Variants in STK39 observed in about 807,000 individuals in gnomAD.
STK39 encodes the protein serine/threonine kinase 39.
A neutral mutation model predicts 77.8 loss-of-function variants in STK39; 20 were observed. The ratio of observed to expected loss-of-function variants is 0.26; its 90% CI spans 0.18 to 0.37. STK39 has a LOEUF of 0.37. Among genes scored for constraint, STK39 ranks in the 10% least tolerant of loss-of-function variants. The pLI is 1.00. For missense variants in STK39, 479 were observed against 656.5 expected (o/e 0.73, Z 2.95); for synonymous variants, 246 against 234.1 (o/e 1.05, Z -0.47).
At chr2:168,116,907 G>A (rs10497335) in intron 10 of STK39, among the ~76,000 whole-genome samples, 35,107 of 152,028 alleles carry the variant, frequency 0.23, 4,220 homozygotes, top group African/African-American at 0.29. Flanking sequence ...AAAGTGGAGC[G>A]TACTAAAACC....
In STK39 at chr2:168,078,741, C is replaced by CAA. The variant is rs56865790; in HGVS notation, c.1090-3512_1090-3511dup. Among the ~76,000 whole-genome samples, 414 of 86,394 alleles carry CAA rather than the reference C, an allele frequency of 4.8e-3. 3 individuals are homozygous for CAA. The highest frequency in any genetic ancestry group is 0.019 in the Middle Eastern group (3 of 156). The allele number at this position is 86,394 out of a possible 152,430, so 56.7% of individuals were successfully genotyped here. A position where few individuals can be genotyped will look rare whatever the true frequency, so the allele number is the denominator to read the frequency against. ...TCTCAATCTGGCATGTCCATCTGTCCAAAAAAAAAAAAAAAAAAGGAAAGC... is the reference window on the plus strand; with the variant it reads ...TCTCAATCTGGCATGTCCATCTGTCCAAAAAAAAAAAAAAAAAAAAGGAAAGC... On this transcript the variant is annotated intron_variant, in intron 10 of 17. Transcript: ENST00000355999.
chr2:168,139,159 C>A lies in STK39; in HGVS notation c.841-938G>T, dbSNP rs560778479. On this transcript the variant is annotated intron_variant, in intron 7 of 17. Coordinates refer to ENST00000355999, the MANE Select transcript of STK39 (RefSeq NM_013233.3). The stretch of plus-strand genomic sequence containing the variant: ...AACTCTGAAGAAAAGTCCTAGAGGA[C>A]GTCAGGCTGGGACAAGCAAGTGCGA... 2.0e-5 allele frequency among the ~76,000 whole-genome samples: 3 copies of A among 152,138 alleles called. No homozygotes were observed. In the East Asian group the frequency reaches 5.8e-4, roughly 29 times the overall value.
At chr2:168,223,534 A>G (rs1420459640) in intron 1 of STK39, among the ~76,000 whole-genome samples, 1 of 151,464 alleles carries the variant, frequency 6.6e-6, no homozygotes, top group Non-Finnish European at 1.5e-5. Flanking sequence ...AAAAAAGAAA[A>G]GAAAATTCAC....
intron 16 of STK39, among the ~76,000 whole-genome samples, chr2:168,007,956 T>A (rs1684173370): frequency 6.6e-6 from 1 of 152,182 alleles, no homozygotes; most frequent in African/African-American, 2.4e-5. Flanking sequence ...TTTAGTAAAG[T>A]CACAAGGTTG....
intron 2 of STK39, among the ~76,000 whole-genome samples, chr2:168,180,543 G>A (rs967907316): frequency 2.6e-5 from 4 of 152,010 alleles, no homozygotes; most frequent in South Asian, 2.1e-4. Flanking sequence ...TTTAAATCGC[G>A]CAGAGCTGTT....
At chr2:168,106,615 T>C (rs1686981142) in intron 10 of STK39, among the ~76,000 whole-genome samples, 2 of 152,024 alleles carry the variant, frequency 1.3e-5, no homozygotes, top group African/African-American at 4.8e-5. Context: ...AGCTCAGTAG[T>C]TGGAGAACAG....
At chr2:168,004,986 C>CA (rs753114420) in intron 16 of STK39, among the ~76,000 whole-genome samples, 17 of 139,172 alleles carry the variant, frequency 1.2e-4, no homozygotes, top group Non-Finnish European at 2.2e-4. Flanking sequence ...CACTAGGGGA[C>CA]AGAAGGCCCT....
intron 10 of STK39, among the ~76,000 whole-genome samples, chr2:168,080,204 G>A (rs1236050802): frequency 6.6e-6 from 1 of 152,198 alleles, no homozygotes; most frequent in Non-Finnish European, 1.5e-5. Flanking sequence ...AGATGATTTA[G>A]GGTATTTGGT....
chr2:167,967,758 A>G (rs1692198902), intron 16 of STK39, among the ~76,000 whole-genome samples: 3 of 152,166 alleles, frequency 2.0e-5, no homozygotes, highest in African/African-American at 4.8e-5. Context: ...TTCTGTATAC[A>G]TTCCTTGCAC....
intron 10 of STK39, among the ~76,000 whole-genome samples, chr2:168,076,478 A>G (rs1333687830): frequency 6.6e-6 from 1 of 152,150 alleles, no homozygotes; most frequent in Non-Finnish European, 1.5e-5. Flanking sequence ...TTAAATTTAA[A>G]TATTTAAGTT....
chr2:168,045,077 CA>C (rs888813047), intron 14 of STK39, among the ~76,000 whole-genome samples: 2 of 150,900 alleles, frequency 1.3e-5, no homozygotes, highest in African/African-American at 2.4e-5. Context: ...ACAAAAAAAC[CA>C]AAAAAAACCC....
chr2:168,245,403 T>A (rs553206250), intron 1 of STK39, among the ~76,000 whole-genome samples: 30 of 152,334 alleles, frequency 2.0e-4, no homozygotes, highest in African/African-American at 7.2e-4. Flanking sequence ...AGTGGGGCAA[T>A]GCTTGGGACA....
intron 14 of STK39, among the ~76,000 whole-genome samples, chr2:168,030,387 CAGACAATACATTCTTTAAACTTT>C (rs1212483422): frequency 6.6e-6 from 1 of 152,112 alleles, no homozygotes; most frequent in East Asian, 1.9e-4. Flanking sequence ...ATAAAGTGAG[CAGACAATACATTCTTTAAACTTT>C]AGCCAAGAAA....
chr2:168,195,629 G>A (rs1339946537), intron 1 of STK39, among the ~76,000 whole-genome samples: 2 of 152,200 alleles, frequency 1.3e-5, no homozygotes, highest in Non-Finnish European at 2.9e-5. Flanking sequence ...CTCCTGATGT[G>A]TCAATTAGCT....
intron 1 of STK39, among the ~76,000 whole-genome samples, chr2:168,208,582 T>C (rs1371496838): frequency 6.6e-6 from 1 of 152,236 alleles, no homozygotes. Flanking sequence ...CACATTCTCA[T>C]CTCTAGTTCC....
At chr2:167,988,848 A>G (rs1414830572) in intron 16 of STK39, among the ~76,000 whole-genome samples, 1 of 152,212 alleles carries the variant, frequency 6.6e-6, no homozygotes, top group Non-Finnish European at 1.5e-5. Context: ...GAGGACTGAG[A>G]AGACTGGCAG....
intron 10 of STK39, among the ~76,000 whole-genome samples, chr2:168,122,780 C>T (rs1900831): frequency 0.38 from 58,318 of 151,954 alleles, 11,560 homozygotes; most frequent in African/African-American, 0.47. Flanking sequence ...TTCTATCTAT[C>T]AATAAAATTC....
chr2:168,224,723 G>T (rs551990534), intron 1 of STK39, among the ~76,000 whole-genome samples: 2 of 152,232 alleles, frequency 1.3e-5, no homozygotes, highest in South Asian at 4.1e-4. Flanking sequence ...TGCTAAAAAG[G>T]CATTTTTAAG....
intron 1 of STK39, among the ~76,000 whole-genome samples, chr2:168,225,076 G>A (rs906249559): frequency 3.3e-5 from 5 of 152,158 alleles, no homozygotes; most frequent in East Asian, 1.9e-4. Context: ...TCTAGCCATC[G>A]TTTTGAAAGT....
Sources: gnomAD v4.1 joint callset for allele counts (sites outside exome capture counted in the v4.1 genomes callset) on GRCh38, gnomAD v4.1.1 for gene constraint, MANE v1.5 for transcripts, NCBI Gene and HGNC (gene_info 2026-07-23, HGNC 2026-07-21) for gene names.